Variants in ERAL1 observed in about 807,000 individuals in gnomAD.
ERAL1 encodes GTPase Era, mitochondrial.
A neutral mutation model predicts 53.6 loss-of-function variants in ERAL1; 36 were observed. That is an observed-to-expected ratio of 0.67 (90% CI 0.51 to 0.89). ERAL1 has a LOEUF of 0.89. Ranked by LOEUF, ERAL1 falls within the 40% of genes least tolerant of loss-of-function variation. The probability of loss-of-function intolerance (pLI) is 0.00; values close to 1 mark genes in which losing one functional copy is unlikely to be tolerated. For missense variants in ERAL1, 512 were observed against 537.5 expected (o/e 0.95, Z 0.47); for synonymous variants, 215 against 211.8 (o/e 1.02, Z -0.13).
Position 28,858,422 on chromosome 17 carries a change from G to A in ERAL1, c.647G>A (p.Ser216Asn). ...VSDKWTRNQL[S>N]PQLLRCLTKY... is the part of the protein sequence containing the mutation. ...GACAAGTGGACACGGAACCAGCTCA[G>A]CCCCCAGTTGCTCAGGTGCTTGACC... The change falls in exon 6 of 10, where the codon AGC becomes AAC. Residue 216 changes from serine (S) to asparagine (N), a missense_variant. Physicochemically the swap from Ser to Asn is conservative, Grantham distance 46. Transcript: ENST00000254928. The A allele has an allele frequency of 1.2e-6, 2 of 1,614,124 alleles. No homozygotes were observed. The highest frequency in any genetic ancestry group is 1.7e-6 in the Non-Finnish European group (2 of 1,180,016).
chr17:28,859,388 T>C, intron 9 of ERAL1, 105 bp downstream of exon 9: 3 of 1,097,546 alleles, frequency 2.7e-6, no homozygotes, highest in South Asian at 1.5e-5. Flanking sequence ...TCTCTTTTTT[T>C]CTTCTTCTTT....
intron 1 of ERAL1, 100 bp downstream of exon 1, chr17:28,855,417 T>G (rs1239136548): frequency 7.4e-7 from 1 of 1,356,520 alleles, no homozygotes; most frequent in Non-Finnish European, 9.7e-7. Flanking sequence ...AAAACAATTT[T>G]GAGGCCCTGA....
Position 28,858,866 on chromosome 17 carries a change from A to G in ERAL1, c.960+42A>G, listed in dbSNP as rs144133158. The stretch of plus-strand genomic sequence containing the variant: ...CATAGCCTGGCCCTTGGTTTCTACC[A>G]TATGAAGACAGCCCTCAAATTTCCT... On this transcript the variant is annotated intron_variant, in intron 7 of 9. Transcript: ENST00000254928. 5 of 1,612,900 alleles carry G rather than the reference A, an allele frequency of 3.1e-6. No individual in the cohort carries two copies. The East Asian group carries it at 1.1e-4, about 36-fold the overall frequency.
At position 28,856,137 on chromosome 17, in the gene ERAL1, C is replaced by T. The variant is rs9916866; in HGVS notation, c.284-127C>T. On this transcript the variant is annotated intron_variant, in intron 1 of 9. Coordinates refer to ENST00000254928, the MANE Select transcript of ERAL1 (RefSeq NM_005702.4). Reference sequence around the variant, plus strand: ...TTAAGGGCCAAAGTCTCAAAGTCAGCTCTAGGTGACTTCAACCTGGTGCAC... The same window carrying T: ...TTAAGGGCCAAAGTCTCAAAGTCAGTTCTAGGTGACTTCAACCTGGTGCAC... The T allele has an allele frequency of 9.3e-6, 10 of 1,079,204 alleles. No homozygotes were observed. The African/African-American group carries it at 1.6e-4, about 17-fold the overall frequency. 66.9% of individuals were successfully genotyped at this position (1,079,204 alleles called of 1,614,324 possible). A position where few individuals can be genotyped will look rare whatever the true frequency, so the allele number is the denominator to read the frequency against.
Position 28,860,534 on chromosome 17 carries a change from C to T in ERAL1, c.1295C>T (p.Ser432Phe), listed in dbSNP as rs1047411376. The T allele has an allele frequency of 1.2e-6, 2 of 1,602,770 alleles. No homozygotes were observed. Among genetic ancestry groups the T allele is most frequent in the African/African-American group, 2.7e-5 (2 of 74,280 alleles). ...CTCTGCGATGTTGACATCCGCCTCT[C>T]TGTGAAGCTCCTCAAGTGACCACCC... The part of the protein sequence containing the change: ...IFLCDVDIRL[S>F]VKLLK Residue 432 changes from serine to phenylalanine, a missense_variant, in exon 10 of 10, where the codon TCT (serine) becomes TTT (phenylalanine). Physicochemically the swap from Ser to Phe is radical, Grantham distance 155 (BLOSUM62 -2). Transcript: ENST00000254928.
intron 9 of ERAL1, among the ~76,000 whole-genome samples, chr17:28,859,621 C>T (rs1278652949): frequency 6.6e-6 from 1 of 151,938 alleles, no homozygotes; most frequent in Admixed American, 6.6e-5. Context: ...CTCACTGCAA[C>T]CTCCGCCTCC....
In ERAL1 at chr17:28,856,767, A is replaced by C. The variant is rs549603682; in HGVS notation, c.489+185A>C. ...CACTCTGTCTCCCAGGCTGGAGTGC[A>C]GTGACGCGATCTTGGCTCACTGCAA... On this transcript the variant is annotated intron_variant, in intron 3 of 9. Coordinates refer to ENST00000254928, the MANE Select transcript of ERAL1 (RefSeq NM_005702.4). 1.3e-5 allele frequency: 7 copies of C among 550,906 alleles called. No homozygotes were observed. In the East Asian group the frequency reaches 2.0e-4, roughly 16 times the overall value. 34.1% of individuals were successfully genotyped at this position (550,906 alleles called of 1,614,324 possible). A position where few individuals can be genotyped will look rare whatever the true frequency, so the allele number is the denominator to read the frequency against.
rs368953848 is a variant in ERAL1 at position 28,859,060 on chromosome 17, C to T, written c.1057C>T (p.Arg353Ter). The T allele has an allele frequency of 5.9e-5, 96 of 1,614,058 alleles. No homozygotes were observed. The highest frequency in any genetic ancestry group is 4.5e-5 in the East Asian group (2 of 44,892). Residue 353 changes from arginine to a stop codon, truncating the protein, a stop_gained, in exon 8 of 10, where the codon CGA (arginine) becomes TGA (stop). Transcript: ENST00000254928. LOFTEE classifies it high-confidence loss of function. ...AGAAGAGATCTGTGCCAACATTATC[C>T]GAGAGAAGCTCCTAGAACACCTGCC... ...TPEEICANII[R>*]EKLLEHLPQE...
chr17:28,855,731 A>G (rs2039234188), intron 1 of ERAL1, among the ~76,000 whole-genome samples: 1 of 151,880 alleles, frequency 6.6e-6, no homozygotes, highest in Non-Finnish European at 1.5e-5. Flanking sequence ...TAAGAAGATA[A>G]TATAAAAAGA....
chr17:28,857,593 C>T (rs1051622263), intron 3 of ERAL1, among the ~76,000 whole-genome samples: 1 of 151,496 alleles, frequency 6.6e-6, no homozygotes, highest in Admixed American at 6.6e-5. Context: ...AGTTCAAGAC[C>T]AGCCTGGCCA....
At position 28,855,234 on chromosome 17, in the gene ERAL1, G is replaced by T; in HGVS notation, c.200G>T (p.Gly67Val). ...LASASRSNGQ[G>V]SALDHFLGFS... is the part of the protein sequence containing the mutation. ...TCGGCTTCTCGCAGTAATGGCCAGG[G>T]CTCTGCCCTGGACCACTTCCTCGGA... is the stretch of plus-strand genomic sequence containing the variant. Residue 67 changes from glycine (G) to valine (V), a missense_variant, in exon 1 of 10, where the codon GGC (glycine) becomes GTC (valine). By Grantham distance (109) the Gly-to-Val change is moderately radical. Transcript: ENST00000254928. 6.2e-7 allele frequency: 1 copy of T among 1,614,230 alleles called. No individual in the cohort carries two copies. The highest frequency in any genetic ancestry group is 8.5e-7 in the Non-Finnish European group (1 of 1,180,036).
rs754230379 is a variant in ERAL1 at position 28,860,447 on chromosome 17, C to T, written c.1208C>T (p.Pro403Leu). 9.9e-6 allele frequency: 16 copies of T among 1,611,672 alleles called. No homozygotes were observed. Among genetic ancestry groups the T allele is most frequent in the South Asian group, 5.5e-5 (5 of 90,574 alleles). ...KESYVKLLIGPKGHVISQIAQ... is the reference protein window; with the variant it reads ...KESYVKLLIGLKGHVISQIAQ... ...TACCCTCAGAAACTCCTGATTGGTC[C>T]GAAGGGCCACGTGATCTCCCAGATA... is the stretch of plus-strand genomic sequence containing the variant. Residue 403 changes from proline (P) to leucine (L), a missense_variant, in exon 10 of 10, where the codon CCG (proline) becomes CTG (leucine). Physicochemically the swap from Pro to Leu is moderately conservative, Grantham distance 98. Coordinates refer to ENST00000254928, the MANE Select transcript of ERAL1 (RefSeq NM_005702.4).
At chr17:28,858,040 G>A in intron 4 of ERAL1, 55 bp downstream of exon 4, 1 of 1,613,384 alleles carries the variant, frequency 6.2e-7, no homozygotes, top group Non-Finnish European at 8.5e-7. Context: ...AGAGGGTGGG[G>A]AGATTCCATT....
In ERAL1 at chr17:28,860,550, G is replaced by A. The variant is rs2039295741; in HGVS notation, c.1311G>A (p.Lys437=). 1.9e-6 allele frequency: 3 copies of A among 1,600,254 alleles called. No homozygotes were observed. In the South Asian group the frequency reaches 3.4e-5, roughly 18 times the overall value. Residue 437 remains lysine (K), a synonymous_variant, in exon 10 of 10, where the codon AAG becomes AAA. Transcript: ENST00000254928. ...VDIRLSVKLL[K] ...TCCGCCTCTCTGTGAAGCTCCTCAA[G>A]TGACCACCCTCTACTGACCCTCCCA... is the stretch of plus-strand genomic sequence containing the variant.
Position 28,855,230 on chromosome 17 carries a change from C to T in ERAL1, c.196C>T (p.Gln66Ter), listed in dbSNP as rs2039225118. 6.2e-7 allele frequency: 1 copy of T among 1,614,128 alleles called. No homozygotes were observed. Among genetic ancestry groups the T allele is most frequent in the African/African-American group, 1.3e-5 (1 of 74,938 alleles). The change falls in exon 1 of 10, where the codon CAG becomes TAG. Residue 66 changes from glutamine (Q) to a stop codon, truncating the protein, a stop_gained. Coordinates refer to ENST00000254928, the MANE Select transcript of ERAL1 (RefSeq NM_005702.4). LOFTEE classifies it high-confidence loss of function. ...GGCCTCGGCTTCTCGCAGTAATGGC[C>T]AGGGCTCTGCCCTGGACCACTTCCT... The part of the protein sequence containing the change: ...RLASASRSNG[Q>*]GSALDHFLGF...
At chr17:28,860,080 A>AT (rs1387844675) in intron 9 of ERAL1, among the ~76,000 whole-genome samples, 1 of 151,458 alleles carries the variant, frequency 6.6e-6, no homozygotes, top group Non-Finnish European at 1.5e-5. Context: ...GGTTCAAGTG[A>AT]TTCTCCTGCC....
chr17:28,857,382 C>T (rs1049405979), intron 3 of ERAL1, among the ~76,000 whole-genome samples: 3 of 151,438 alleles, frequency 2.0e-5, no homozygotes, highest in African/African-American at 7.3e-5. Flanking sequence ...GCTGGGATTA[C>T]AGGCATGAGC....
Position 28,858,662 on chromosome 17 carries a change from G to GAGGC in ERAL1, c.803_806dup (p.Phe270GlyfsTer16). 1 of 1,614,198 alleles carries GAGGC rather than the reference G, an allele frequency of 6.2e-7. No homozygotes were observed. Among genetic ancestry groups the GAGGC allele is most frequent in the South Asian group, 1.1e-5 (1 of 91,080 alleles). The stretch of plus-strand genomic sequence containing the variant: ...TGGTCAATGGCAAAAAGCTCAAGAT[G>GAGGC]AGGCAGGCCTTCCACTCACACCCTG... On this transcript the variant is annotated frameshift_variant, in exon 7 of 10. Coordinates refer to ENST00000254928, the MANE Select transcript of ERAL1 (RefSeq NM_005702.4). LOFTEE classifies it high-confidence loss of function.
chr17:28,858,114 C>T (rs760985385), intron 4 of ERAL1, 32 bp from the exon 5 acceptor site: 1 of 1,613,678 alleles, frequency 6.2e-7, no homozygotes, highest in South Asian at 1.1e-5. Flanking sequence ...AGTCATAAGA[C>T]CTTTCCTGAC....
Sources: allele counts gnomAD v4.1 joint callset (sites outside exome capture counted in the v4.1 genomes callset), GRCh38; gene constraint gnomAD v4.1.1; transcripts MANE v1.5; gene names NCBI Gene and HGNC (gene_info 2026-07-23, HGNC 2026-07-21).